SCN8A: variants seen among roughly 807,000 people sequenced by gnomAD.
SCN8A encodes the protein sodium channel protein type 8 subunit alpha.
A neutral mutation model predicts 184.1 loss-of-function variants in SCN8A; 30 were observed. That is an observed-to-expected ratio of 0.16 (90% CI 0.12 to 0.22). The LOEUF (loss-of-function observed/expected upper bound fraction) is 0.22. SCN8A is among the 10% of genes least tolerant of loss of function. SCN8A has a pLI of 1.00. For missense variants in SCN8A, 1,057 were observed against 2,498.9 expected (o/e 0.42, Z 12.30); for synonymous variants, 852 against 907.0 (o/e 0.94, Z 1.09).
At chr12:51,805,281 T>C (rs1938668295) in intron 26 of SCN8A, among the ~76,000 whole-genome samples, 1 of 152,130 alleles carries the variant, frequency 6.6e-6, no homozygotes, top group Non-Finnish European at 1.5e-5. Flanking sequence ...TAGATGGACC[T>C]CATAAGACAA....
intron 6 of SCN8A, among the ~76,000 whole-genome samples, chr12:51,694,346 G>A (rs1662164061): frequency 6.6e-6 from 1 of 152,222 alleles, no homozygotes; most frequent in African/African-American, 2.4e-5. Flanking sequence ...TTGTTCACAG[G>A]ATTCCTGGGC....
intron 1 of SCN8A, among the ~76,000 whole-genome samples, chr12:51,616,975 G>T (rs879662271): frequency 2.0e-5 from 3 of 151,536 alleles, no homozygotes; most frequent in Admixed American, 2.0e-4. Context: ...GGAAATTTCA[G>T]TCATTCAAAT....
chr12:51,758,883 G>C (rs893759073), intron 14 of SCN8A, among the ~76,000 whole-genome samples: 1 of 152,064 alleles, frequency 6.6e-6, no homozygotes, highest in Non-Finnish European at 1.5e-5. Flanking sequence ...ATCCAAGGGG[G>C]ATACATTCCA....
At chr12:51,725,966 A>G (rs1942149055) in intron 12 of SCN8A, among the ~76,000 whole-genome samples, 1 of 152,228 alleles carries the variant, frequency 6.6e-6, no homozygotes, top group Non-Finnish European at 1.5e-5. Context: ...GGAGCCACTG[A>G]TAGTGCACGC....
intron 2 of SCN8A, among the ~76,000 whole-genome samples, chr12:51,679,721 CTTTTTTTT>C (rs34564079): frequency 1.2e-5 from 1 of 85,504 alleles, no homozygotes; most frequent in Non-Finnish European, 2.3e-5. Context: ...ACTATCTTGC[CTTTTTTTT>C]TTTTTTTTTT....
At chr12:51,668,779 C>T (rs1267814193) in intron 2 of SCN8A, among the ~76,000 whole-genome samples, 3 of 152,154 alleles carry the variant, frequency 2.0e-5, no homozygotes, top group Non-Finnish European at 4.4e-5. Flanking sequence ...AACCTTTCTA[C>T]CACTTGTTAC....
intron 12 of SCN8A, among the ~76,000 whole-genome samples, chr12:51,728,658 C>A (rs1942191677): frequency 6.6e-6 from 1 of 151,100 alleles, no homozygotes; most frequent in Non-Finnish European, 1.5e-5. Context: ...TCACTTGAGC[C>A]TGGGAGGTCA....
At chr12:51,630,666 G>A (rs950473656) in intron 1 of SCN8A, among the ~76,000 whole-genome samples, 5 of 152,094 alleles carry the variant, frequency 3.3e-5, no homozygotes, top group African/African-American at 9.7e-5. Context: ...AGAGTGCTGG[G>A]CACTGGCTCA....
intron 1 of SCN8A, among the ~76,000 whole-genome samples, chr12:51,648,671 C>G (rs1940644295): frequency 6.6e-6 from 1 of 152,144 alleles, no homozygotes; most frequent in South Asian, 2.1e-4. Flanking sequence ...TTCTCTACCA[C>G]AAGAACAGTA....
intron 12 of SCN8A, among the ~76,000 whole-genome samples, chr12:51,733,221 A>G (rs1030169346): frequency 5.9e-5 from 9 of 152,144 alleles, no homozygotes; most frequent in African/African-American, 1.9e-4. Context: ...ATATTGAAGT[A>G]TGGTCCTTCA....
At chr12:51,604,473 G>A (rs1265911966) in intron 1 of SCN8A, among the ~76,000 whole-genome samples, 1 of 151,664 alleles carries the variant, frequency 6.6e-6, no homozygotes, top group African/African-American at 2.4e-5. Flanking sequence ...TTTTCCCCAG[G>A]TTTTTTTGTT....
chr12:51,713,679 T>C (rs1022368129), intron 11 of SCN8A: 24 of 513,578 alleles, frequency 4.7e-5, no homozygotes, highest in African/African-American at 1.9e-5. Context: ...TTTTTAAGGC[T>C]CAGGGCAGTT....
chr12:51,744,599 G>T (rs971166279), intron 12 of SCN8A, among the ~76,000 whole-genome samples: 2 of 151,000 alleles, frequency 1.3e-5, no homozygotes, highest in Non-Finnish European at 2.9e-5. Flanking sequence ...TCAGTGAAAC[G>T]GTCTGATGAA....
chr12:51,694,173 TC>T (rs1390856804), intron 6 of SCN8A, among the ~76,000 whole-genome samples: 1 of 152,330 alleles, frequency 6.6e-6, no homozygotes, highest in African/African-American at 2.4e-5. Flanking sequence ...CCTCAGGTGA[TC>T]CACCCACCTT....
intron 1 of SCN8A, among the ~76,000 whole-genome samples, chr12:51,632,483 C>T (rs1218143084): frequency 6.6e-6 from 1 of 152,086 alleles, no homozygotes; most frequent in African/African-American, 2.4e-5. Context: ...TATGTCTAAC[C>T]TCAGTCTTAG....
At chr12:51,673,547 T>C (rs1941169670) in intron 2 of SCN8A, among the ~76,000 whole-genome samples, 1 of 152,196 alleles carries the variant, frequency 6.6e-6, no homozygotes, top group Admixed American at 6.5e-5. Context: ...AGTGACCGTA[T>C]AGCTTCAACT....
At chr12:51,790,982 G>C (rs1938233691) in intron 25 of SCN8A, among the ~76,000 whole-genome samples, 1 of 152,134 alleles carries the variant, frequency 6.6e-6, no homozygotes, top group Admixed American at 6.5e-5. Flanking sequence ...TGGGAGTCTG[G>C]TGCCCTGATT....
At chr12:51,794,312 T>C (rs1938348328) in intron 25 of SCN8A, 59 bp from the exon 26 acceptor site, 3 of 1,538,220 alleles carry the variant, frequency 2.0e-6, no homozygotes, top group South Asian at 1.3e-5. Flanking sequence ...ACAGCTTCCA[T>C]AGGTTGGCTT....
chr12:51,662,757 C>A lies in SCN8A; in HGVS notation c.-54-7C>A. The A allele has an allele frequency of 6.4e-7, 1 of 1,550,498 alleles. No individual in the cohort carries two copies. The highest frequency in any genetic ancestry group is 8.8e-7 in the Non-Finnish European group (1 of 1,141,184). On this transcript the variant is annotated splice_region_variant and splice_polypyrimidine_tract_variant and intron_variant, in intron 1 of 26. Coordinates refer to ENST00000627620, the MANE Select transcript of SCN8A (RefSeq NM_001330260.2). ...ATTAATGCTGTCTGTGTTGCTGTTTCTTCCAGAGCTGACCTGTCCTGGACG... is the reference window on the plus strand; with the variant it reads ...ATTAATGCTGTCTGTGTTGCTGTTTATTCCAGAGCTGACCTGTCCTGGACG...
Sources: allele counts gnomAD v4.1 joint callset (sites outside exome capture counted in the v4.1 genomes callset), GRCh38; gene constraint gnomAD v4.1.1; transcripts MANE v1.5; gene names NCBI Gene and HGNC (gene_info 2026-07-23, HGNC 2026-07-21).